Variants in GCH1 observed in about 807,000 individuals in gnomAD.
The protein encoded by GCH1 is GTP cyclohydrolase I.
Under a neutral mutation model 25.9 loss-of-function variants are expected in GCH1, and 5 were observed. The observed-to-expected ratio is 0.19, with a 90% CI of 0.10 to 0.41. GCH1 has a LOEUF of 0.41. Among genes scored for constraint, GCH1 ranks in the 10% least tolerant of loss-of-function variants. The pLI, the probability that GCH1 is intolerant of heterozygous loss-of-function variation, is 1.00. For synonymous variants in GCH1, 159 were observed against 129.6 expected (o/e 1.23, Z -1.54); for missense variants, 261 against 336.5 (o/e 0.78, Z 1.75).
intron 3 of GCH1, among the ~76,000 whole-genome samples, chr14:54,855,160 C>T (rs1047790544): frequency 3.3e-5 from 5 of 152,140 alleles, no homozygotes; most frequent in African/African-American, 9.7e-5. Context: ...GAAACTTGGA[C>T]TTTTTGGACT....
chr14:54,897,595 C>CT (rs139321266), intron 1 of GCH1, among the ~76,000 whole-genome samples: 1,641 of 147,856 alleles, frequency 0.011, 29 homozygotes, highest in African/African-American at 0.036. Flanking sequence ...GGCTACTCCA[C>CT]TTTTTTTTTT....
intron 1 of GCH1, among the ~76,000 whole-genome samples, chr14:54,872,041 A>G (rs910009753): frequency 6.6e-6 from 1 of 152,116 alleles, no homozygotes; most frequent in African/African-American, 2.4e-5. Context: ...AAGACACATA[A>G]TTGTCAGATT....
intron 3 of GCH1, among the ~76,000 whole-genome samples, chr14:54,855,441 G>A (rs1357453618): frequency 6.8e-6 from 1 of 147,628 alleles, no homozygotes; most frequent in Admixed American, 6.9e-5. Flanking sequence ...AGGAGGTGGA[G>A]GCTGCAGTGA....
At chr14:54,862,032 C>A (rs1415715106) in intron 2 of GCH1, among the ~76,000 whole-genome samples, 2 of 152,052 alleles carry the variant, frequency 1.3e-5, no homozygotes, top group Admixed American at 1.3e-4. Context: ...ATTGCTTTCT[C>A]TTCTTTTCTT....
At chr14:54,885,097 TC>T (rs1038900242) in intron 1 of GCH1, 7 of 307,778 alleles carry the variant, frequency 2.3e-5, no homozygotes, top group African/African-American at 1.5e-4. Flanking sequence ...TCATCTGTTG[TC>T]CTGGATGTCA....
At chr14:54,880,385 TAA>T (rs1420833098) in intron 1 of GCH1, among the ~76,000 whole-genome samples, 1 of 142,114 alleles carries the variant, frequency 7.0e-6, no homozygotes, top group Non-Finnish European at 1.5e-5. Context: ...ATATATAATA[TAA>T]TATATATTAT....
intron 2 of GCH1, among the ~76,000 whole-genome samples, chr14:54,863,412 A>T (rs1259622099): frequency 8.6e-6 from 1 of 116,216 alleles, no homozygotes; most frequent in Non-Finnish European, 1.7e-5. Context: ...ACAGAGCGAG[A>T]CTCCGTCTCA....
intron 1 of GCH1, among the ~76,000 whole-genome samples, chr14:54,901,204 C>T (rs1173888370): frequency 1.3e-5 from 2 of 152,164 alleles, no homozygotes; most frequent in Admixed American, 6.5e-5. Flanking sequence ...AGAGAAATAA[C>T]TGGGGCAGGG....
At chr14:54,856,336 C>T (rs2039811139) in intron 3 of GCH1, among the ~76,000 whole-genome samples, 1 of 152,216 alleles carries the variant, frequency 6.6e-6, no homozygotes, top group Non-Finnish European at 1.5e-5. Context: ...GCTGCCATGT[C>T]CTGCTTCTTT....
At chr14:54,850,941 G>C (rs180881499) in intron 3 of GCH1, among the ~76,000 whole-genome samples, 249 of 152,238 alleles carry the variant, frequency 1.6e-3, no homozygotes, top group Middle Eastern at 0.01. Flanking sequence ...ATAAACATAC[G>C]TGTGCATGTG....
chr14:54,866,237 A>G (rs888407346), intron 1 of GCH1, among the ~76,000 whole-genome samples: 3 of 152,158 alleles, frequency 2.0e-5, no homozygotes, highest in Admixed American at 1.3e-4. Context: ...ACATTCGGTG[A>G]CTGCAAGAAC....
At chr14:54,870,437 G>A (rs780628233) in intron 1 of GCH1, among the ~76,000 whole-genome samples, 7 of 152,022 alleles carry the variant, frequency 4.6e-5, no homozygotes, top group African/African-American at 1.2e-4. Flanking sequence ...CGCATAAGAC[G>A]GGTGATTTCT....
At chr14:54,882,747 A>C (rs1379056553) in intron 1 of GCH1, among the ~76,000 whole-genome samples, 1 of 152,166 alleles carries the variant, frequency 6.6e-6, no homozygotes, top group Non-Finnish European at 1.5e-5. Flanking sequence ...TTATCATCCT[A>C]CATTCACTTA....
chr14:54,856,059 TACTC>T (rs1555359329), intron 3 of GCH1, among the ~76,000 whole-genome samples: 1 of 152,168 alleles, frequency 6.6e-6, no homozygotes, highest in Non-Finnish European at 1.5e-5. Flanking sequence ...TGTAATCTAA[TACTC>T]ACCTCACTTA....
rs886050549 is a variant in GCH1, at chr14:54,844,155, G to A, written c.627-12C>T. On this transcript the variant is annotated splice_polypyrimidine_tract_variant and intron_variant, in intron 5 of 5. Transcript: ENST00000491895. The stretch of plus-strand genomic sequence containing the variant: ...CCATACACATGTGTCTACAAAATAA[G>A]GCAACACAGGTTGTTTAAAGGAGTA... 2 of 1,592,242 alleles carry A rather than the reference G, an allele frequency of 1.3e-6. No homozygotes were observed. Among genetic ancestry groups the A allele is most frequent in the South Asian group, 1.1e-5 (1 of 90,672 alleles).
chr14:54,849,883 C>T (rs2039698811), intron 3 of GCH1, among the ~76,000 whole-genome samples: 1 of 152,142 alleles, frequency 6.6e-6, no homozygotes, highest in African/African-American at 2.4e-5. Flanking sequence ...TACTGGACTT[C>T]AGTTTCATTT....
In GCH1 at chr14:54,899,943, C is replaced by A. The variant is rs139159337; in HGVS notation, c.343+2378G>T. Among the ~76,000 whole-genome samples the A allele has an allele frequency of 9.5e-3, 1,450 of 151,944 alleles. 27 individuals are homozygous for A. Among genetic ancestry groups the A allele is most frequent in the African/African-American group, 0.033 (1,359 of 41,430 alleles). On this transcript the variant is annotated intron_variant, in intron 1 of 5. Coordinates refer to ENST00000491895, the MANE Select transcript of GCH1 (RefSeq NM_000161.3). ...GTAATGGTGCGATCTCGGCTCACTG[C>A]AACCTCCGCCTCCAGGGTTCAAATG... is the stretch of plus-strand genomic sequence containing the variant.
chr14:54,846,385 C>G (rs1431284172), intron 4 of GCH1, among the ~76,000 whole-genome samples: 2 of 151,988 alleles, frequency 1.3e-5, no homozygotes, highest in Non-Finnish European at 2.9e-5. Flanking sequence ...CTGATGAAAC[C>G]CCCCAGTATC....
At chr14:54,887,331 T>C (rs1173630705) in intron 1 of GCH1, among the ~76,000 whole-genome samples, 2 of 152,236 alleles carry the variant, frequency 1.3e-5, no homozygotes, top group Non-Finnish European at 2.9e-5. Flanking sequence ...AGAGCATTCC[T>C]GCTAAAAATG....
Sources: gnomAD v4.1 joint callset for allele counts (sites outside exome capture counted in the v4.1 genomes callset) on GRCh38, gnomAD v4.1.1 for gene constraint, MANE v1.5 for transcripts, NCBI Gene and HGNC (gene_info 2026-07-23, HGNC 2026-07-21) for gene names.